The following PALLD variants were observed in gnomAD, a reference collection of about 807,000 sequenced individuals.
The protein encoded by PALLD is palladin, cytoskeletal associated protein, also known as palladin.
A neutral mutation model predicts 123.5 loss-of-function variants in PALLD; 61 were observed. That is an observed-to-expected ratio of 0.49 (90% CI 0.40 to 0.61). PALLD has a LOEUF of 0.61. Ranked by LOEUF, PALLD falls within the 20% of genes least tolerant of loss-of-function variation. The pLI is 0.00. For missense variants in PALLD, 1,273 were observed against 1,377.0 expected (o/e 0.92, Z 1.20); for synonymous variants, 465 against 496.4 (o/e 0.94, Z 0.84).
At chr4:168,895,105 C>T (rs532964984) in intron 12 of PALLD, among the ~76,000 whole-genome samples, 7 of 152,176 alleles carry the variant, frequency 4.6e-5, no homozygotes, top group Non-Finnish European at 8.8e-5. Flanking sequence ...CACATATGGC[C>T]GGGCACAGTG....
rs370050691 is a variant in PALLD at position 168,650,195 on chromosome 4, A to C, written c.909-17995A>C. ...ATCTGAAAGAAAAGAAAAGAAAAAA[A>C]AGAAAAAGAAAAGAGAAAGATTTAT... On this transcript the variant is annotated intron_variant, in intron 2 of 21. Transcript: ENST00000505667. Among the ~76,000 whole-genome samples the C allele has an allele frequency of 7.9e-5, 12 of 152,330 alleles. No homozygotes were observed. In the South Asian group the frequency reaches 2.1e-3, roughly 26 times the overall value.
At chr4:168,498,101 T>C (rs1425008064) in intron 1 of PALLD, among the ~76,000 whole-genome samples, 2 of 152,234 alleles carry the variant, frequency 1.3e-5, no homozygotes, top group Admixed American at 6.5e-5. Context: ...CAGAAAGAAC[T>C]TGAATACTCA....
chr4:168,523,522 A>C (rs1164320784), intron 2 of PALLD, among the ~76,000 whole-genome samples: 12 of 152,206 alleles, frequency 7.9e-5, no homozygotes, highest in Non-Finnish European at 1.5e-4. Flanking sequence ...CACTACAAAG[A>C]CCAAGAATTC....
At chr4:168,751,089 C>T (rs554546292) in intron 10 of PALLD, among the ~76,000 whole-genome samples, 2 of 151,648 alleles carry the variant, frequency 1.3e-5, no homozygotes, top group South Asian at 2.1e-4. Flanking sequence ...CTTGGCTCAC[C>T]GTAACCTCCA....
chr4:168,798,752 A>G (rs1362211082), intron 10 of PALLD, among the ~76,000 whole-genome samples: 1 of 152,194 alleles, frequency 6.6e-6, no homozygotes, highest in Non-Finnish European at 1.5e-5. Flanking sequence ...ATTTTTTCAA[A>G]ATATATGTAT....
At chr4:168,510,158 C>T (rs1762401880) in intron 1 of PALLD, among the ~76,000 whole-genome samples, 1 of 152,132 alleles carries the variant, frequency 6.6e-6, no homozygotes, top group Admixed American at 6.5e-5. Context: ...TAGATCGTCC[C>T]TCTCAGTACT....
In PALLD at chr4:168,629,017, A is replaced by AT. The variant is rs550846487; in HGVS notation, c.909-39157dup. On this transcript the variant is annotated intron_variant, in intron 2 of 21. Coordinates refer to ENST00000505667, the MANE Select transcript of PALLD (RefSeq NM_001166108.2). ...GCCCAGTTATTGTTCTGCCTATAGTATTTTTTTTTTTTTTTTGAGATGGAG... is the reference window on the plus strand; with the variant it reads ...GCCCAGTTATTGTTCTGCCTATAGTATTTTTTTTTTTTTTTTTGAGATGGAG... Among the ~76,000 whole-genome samples, 594 of 139,908 alleles carry AT rather than the reference A, an allele frequency of 4.2e-3. 5 individuals are homozygous for AT. The highest frequency in any genetic ancestry group is 0.015 in the Middle Eastern group (4 of 266). 91.8% of individuals were successfully genotyped at this position (139,908 alleles called of 152,430 possible). A position where few individuals can be genotyped will look rare whatever the true frequency, so the allele number is the denominator to read the frequency against.
intron 18 of PALLD, among the ~76,000 whole-genome samples, chr4:168,924,013 G>A (rs1256193496): frequency 6.6e-6 from 1 of 152,198 alleles, no homozygotes; most frequent in African/African-American, 2.4e-5. Context: ...GAAGCAGATG[G>A]CCAGTGGACA....
chr4:168,596,721 TAAAAA>T (rs56390001), intron 2 of PALLD, among the ~76,000 whole-genome samples: 1 of 132,872 alleles, frequency 7.5e-6, no homozygotes, highest in Non-Finnish European at 1.6e-5. Context: ...TTGGCCTTGT[TAAAAA>T]AAAAAAAAAA....
intron 2 of PALLD, among the ~76,000 whole-genome samples, chr4:168,611,694 A>G (rs1249516010): frequency 2.6e-5 from 4 of 152,174 alleles, no homozygotes; most frequent in Non-Finnish European, 1.5e-5. Context: ...CCTTTCTGGT[A>G]CCATTTTAAT....
intron 10 of PALLD, among the ~76,000 whole-genome samples, chr4:168,742,989 G>A (rs780221919): frequency 5.3e-5 from 8 of 151,940 alleles, no homozygotes; most frequent in African/African-American, 9.7e-5. Flanking sequence ...CCATTTGCCC[G>A]ACCACCTCCT....
rs60488747 is a variant in PALLD at position 168,693,185 on chromosome 4, T to C, written c.1501+1893T>C. On this transcript the variant is annotated intron_variant, in intron 8 of 21. Transcript: ENST00000505667. Reference sequence around the variant, plus strand: ...CTGCGCCCTGCGTCTTCATCACTTATCCTACATACACTCCTTCTGTTTCAG... The same window carrying C: ...CTGCGCCCTGCGTCTTCATCACTTACCCTACATACACTCCTTCTGTTTCAG... Among the ~76,000 whole-genome samples, 36 of 140,706 alleles carry C rather than the reference T, an allele frequency of 2.6e-4. 2 individuals carry two copies. The East Asian group carries it at 7.2e-3, about 28-fold the overall frequency. The allele number at this position is 140,706 out of a possible 152,430, so 92.3% of individuals were successfully genotyped here.
rs1779847256 is a variant in PALLD, at chr4:168,668,262, T to A, written c.981T>A (p.His327Gln). The A allele has an allele frequency of 6.2e-7, 1 of 1,614,168 alleles. No individual in the cohort carries two copies. Among genetic ancestry groups the A allele is most frequent in the Non-Finnish European group, 8.5e-7 (1 of 1,179,974 alleles). ...IQIHCEGGDL[H>Q]TLIIAEAFED... ...TCCACTGTGAGGGAGGGGACCTCCATACCCTGATCATAGCAGAGGCCTTTG... is the reference window on the plus strand; with the variant it reads ...TCCACTGTGAGGGAGGGGACCTCCAAACCCTGATCATAGCAGAGGCCTTTG... The change falls in exon 3 of 22, where the codon CAT becomes CAA. Residue 327 changes from histidine to glutamine, a missense_variant. This residue lies in a region of PALLD where 944 missense variants were observed against 954.5 expected (regional missense o/e 0.99). Transcript: ENST00000505667.
At position 168,927,991 on chromosome 4, in the gene PALLD, T is replaced by C. The variant is rs1762770610; in HGVS notation, c.*1811T>C. 3 of 195,594 alleles carry C rather than the reference T, an allele frequency of 1.5e-5. No individual in the cohort carries two copies. The allele number at this position is 195,594 out of a possible 1,614,324, so 12.1% of individuals were successfully genotyped here. A position where few individuals can be genotyped will look rare whatever the true frequency, so the allele number is the denominator to read the frequency against. On this transcript the variant is annotated 3_prime_UTR_variant, in exon 22 of 22. Coordinates refer to ENST00000505667, the MANE Select transcript of PALLD (RefSeq NM_001166108.2). The stretch of plus-strand genomic sequence containing the variant: ...ATTTTTTAAAATAATTTTATATCTG[T>C]GTACCACCCCATATATTTCATATTA...
intron 2 of PALLD, among the ~76,000 whole-genome samples, chr4:168,584,770 A>G (rs2149666220): frequency 6.6e-6 from 1 of 152,330 alleles, no homozygotes; most frequent in South Asian, 2.1e-4. Context: ...AAATCCTGCC[A>G]TGGCTGAGAA....
At chr4:168,627,625 A>C (rs1421075561) in intron 2 of PALLD, among the ~76,000 whole-genome samples, 1 of 152,208 alleles carries the variant, frequency 6.6e-6, no homozygotes, top group African/African-American at 2.4e-5. Flanking sequence ...AAAACTGATA[A>C]ATTCAATTAA....
At chr4:168,691,074 A>G (rs769768091) in intron 7 of PALLD, among the ~76,000 whole-genome samples, 195 bp from the exon 8 acceptor site, 2 of 152,192 alleles carry the variant, frequency 1.3e-5, no homozygotes, top group Non-Finnish European at 2.9e-5. Context: ...TGATACAGGA[A>G]TTTGAGTTTT....
intron 10 of PALLD, among the ~76,000 whole-genome samples, chr4:168,803,043 C>A (rs1349218639): frequency 6.6e-6 from 1 of 152,124 alleles, no homozygotes. Context: ...TGAATAGCAG[C>A]CTGATTCTGT....
chr4:168,512,495 T>G (rs985977079), intron 2 of PALLD, 83 bp downstream of exon 2: 32 of 1,270,668 alleles, frequency 2.5e-5, no homozygotes, highest in Non-Finnish European at 3.4e-5. Context: ...AGATTTCCTG[T>G]GTCATTAGCC....
Sources: allele counts gnomAD v4.1 joint callset (sites outside exome capture counted in the v4.1 genomes callset), GRCh38; gene constraint gnomAD v4.1.1; regional missense constraint gnomAD v4.1.1; transcripts MANE v1.5; gene names NCBI Gene and HGNC (gene_info 2026-07-23, HGNC 2026-07-21).